The following NCAM2 variants were observed in gnomAD, a reference collection of about 807,000 sequenced individuals.
NCAM2 encodes neural cell adhesion molecule 2.
In NCAM2, 30 loss-of-function variants were observed where a neutral mutation model predicts 98.1. The ratio of observed to expected loss-of-function variants is 0.31; its 90% CI spans 0.23 to 0.41. The LOEUF (loss-of-function observed/expected upper bound fraction) is 0.41, where lower values mean the gene tolerates loss of function less well. Ranked by LOEUF, NCAM2 falls within the 10% of genes least tolerant of loss-of-function variation. The pLI is 1.00. For missense variants in NCAM2, 867 were observed against 1,005.8 expected, an observed-to-expected ratio of 0.86 and a Z score of 1.87; for synonymous variants, 368 against 342.4, an observed-to-expected ratio of 1.07 and a Z score of -0.83.
intron 9 of NCAM2, among the ~76,000 whole-genome samples, chr21:21,408,034 A>G (rs1374346448): frequency 2.0e-5 from 3 of 152,196 alleles, no homozygotes; most frequent in Admixed American, 2.0e-4. Context: ...TTTAAAAAAC[A>G]CTGTGTAAGC....
rs35816689 is a variant in NCAM2 at position 21,236,756 on chromosome 21, ATGTGTGTGTG to A, written c.56-43801_56-43792del. Among the ~76,000 whole-genome samples the A allele has an allele frequency of 6.4e-3, 958 of 149,880 alleles. 10 individuals carry two copies. The highest frequency in any genetic ancestry group is 0.019 in the African/African-American group (789 of 40,978). On this transcript the variant is annotated intron_variant, in intron 1 of 17. Transcript: ENST00000400546. ...TAGATTCTCAGAGAAATCAGTACAT[ATGTGTGTGTG>A]TGTGTGTGTGTGTGTGTGTGCATGC...
intron 5 of NCAM2, among the ~76,000 whole-genome samples, chr21:21,321,921 C>T (rs559148422): frequency 4.1e-4 from 63 of 152,144 alleles, no homozygotes; most frequent in Non-Finnish European, 8.4e-4. Context: ...TTGCAAAGAA[C>T]TTAAGCAGAA....
intron 1 of NCAM2, among the ~76,000 whole-genome samples, chr21:21,120,348 T>TA (rs2066645818): frequency 6.6e-6 from 1 of 151,890 alleles, no homozygotes; most frequent in African/African-American, 2.4e-5. Flanking sequence ...ATATCATGAC[T>TA]TAAAAAACAA....
chr21:21,042,618 C>G (rs1358375684), intron 1 of NCAM2, among the ~76,000 whole-genome samples: 1 of 152,164 alleles, frequency 6.6e-6, no homozygotes, highest in Non-Finnish European at 1.5e-5. Context: ...ATCTTGCCAT[C>G]TCTAAATGAG....
At chr21:21,395,120 T>C (rs1019310834) in intron 9 of NCAM2, among the ~76,000 whole-genome samples, 6 of 152,058 alleles carry the variant, frequency 3.9e-5, no homozygotes, top group African/African-American at 1.4e-4. Context: ...TCACCTGAAG[T>C]CAGGAGTTCG....
Position 21,049,266 on chromosome 21 carries a change from G to T in NCAM2, c.55+50648G>T, listed in dbSNP as rs376546220. 1.4e-3 allele frequency among the ~76,000 whole-genome samples: 213 copies of T among 151,456 alleles called. 1 individual carries two copies. Among genetic ancestry groups the T allele is most frequent in the African/African-American group, 5.1e-3 (212 of 41,292 alleles). On this transcript the variant is annotated intron_variant, in intron 1 of 17. Coordinates refer to ENST00000400546, the MANE Select transcript of NCAM2 (RefSeq NM_004540.5). Reference sequence around the variant, plus strand: ...GATCTCCTGACCTCATGATCCACCCGCCTCGGCCTCGCATATTTCCTTTAT... The same window carrying T: ...GATCTCCTGACCTCATGATCCACCCTCCTCGGCCTCGCATATTTCCTTTAT...
chr21:21,307,900 A>G (rs1168347054), intron 5 of NCAM2, among the ~76,000 whole-genome samples: 1 of 152,144 alleles, frequency 6.6e-6, no homozygotes, highest in Non-Finnish European at 1.5e-5. Context: ...TCTCGCCTAG[A>G]TAATTCATGA....
At chr21:21,399,025 G>A (rs2076574240) in intron 9 of NCAM2, among the ~76,000 whole-genome samples, 2 of 152,224 alleles carry the variant, frequency 1.3e-5, no homozygotes, top group Non-Finnish European at 2.9e-5. Context: ...GGGCAGGGAG[G>A]GTGAAGAGAT....
chr21:21,058,288 T>TA (rs1467462897), intron 1 of NCAM2, among the ~76,000 whole-genome samples: 2 of 152,096 alleles, frequency 1.3e-5, no homozygotes, highest in African/African-American at 4.8e-5. Flanking sequence ...ACCCACTTGC[T>TA]ATGTGTGTGT....
intron 1 of NCAM2, among the ~76,000 whole-genome samples, chr21:21,008,445 A>G (rs997265714): frequency 1.3e-5 from 2 of 152,182 alleles, no homozygotes; most frequent in African/African-American, 4.8e-5. Flanking sequence ...ATTTTAATTT[A>G]TCTAATGAAG....
chr21:21,027,829 C>G (rs2064583364), intron 1 of NCAM2, among the ~76,000 whole-genome samples: 1 of 151,176 alleles, frequency 6.6e-6, no homozygotes, highest in African/African-American at 2.4e-5. Flanking sequence ...TGTAATTGCC[C>G]TTTCCTCTGA....
At chr21:21,001,178 G>A (rs1029941179) in intron 1 of NCAM2, among the ~76,000 whole-genome samples, 1 of 152,160 alleles carries the variant, frequency 6.6e-6, no homozygotes, top group African/African-American at 2.4e-5. Flanking sequence ...AGGAGAAAAT[G>A]ACATTAAGTG....
At chr21:21,520,371 A>T (rs1353233701) in intron 16 of NCAM2, among the ~76,000 whole-genome samples, 1 of 152,178 alleles carries the variant, frequency 6.6e-6, no homozygotes, top group Non-Finnish European at 1.5e-5. Context: ...GAAGAACTAA[A>T]GCATAAGGAA....
In NCAM2 at chr21:21,266,776, C is replaced by T. The variant is rs1045187353; in HGVS notation, c.56-13802C>T. ...TAGGAGATATACCTAATGTAAATGA[C>T]GAGTTAATGGGTGCAGCACACCAAC... is the stretch of plus-strand genomic sequence containing the variant. On this transcript the variant is annotated intron_variant, in intron 1 of 17. Coordinates refer to ENST00000400546, the MANE Select transcript of NCAM2 (RefSeq NM_004540.5). Among the ~76,000 whole-genome samples, 11 of 151,908 alleles carry T rather than the reference C, an allele frequency of 7.2e-5. 1 individual carries two copies. Among genetic ancestry groups the T allele is most frequent in the South Asian group, 2.1e-4 (1 of 4,814 alleles).
intron 1 of NCAM2, among the ~76,000 whole-genome samples, chr21:21,010,579 T>C (rs1048277544): frequency 6.6e-6 from 1 of 152,090 alleles, no homozygotes; most frequent in African/African-American, 2.4e-5. Flanking sequence ...AGTGACTTCT[T>C]TAATCAGGAA....
intron 1 of NCAM2, among the ~76,000 whole-genome samples, chr21:21,181,068 A>T (rs556364866): frequency 4.6e-5 from 7 of 152,076 alleles, no homozygotes; most frequent in Non-Finnish European, 1.0e-4. Flanking sequence ...AACCTAACCT[A>T]CTGATCAAAC....
At chr21:21,411,132 A>ACCTTAGTGAAAAGCTCAGGT (rs1172483668) in intron 10 of NCAM2, among the ~76,000 whole-genome samples, 8 of 34,354 alleles carry the variant, frequency 2.3e-4, no homozygotes, top group Non-Finnish European at 4.8e-4. Flanking sequence ...ATACACATAT[A>ACCTTAGTGAAAAGCTCAGGT]TATGTATATA....
At chr21:21,336,506 G>A (rs2074873968) in intron 7 of NCAM2, among the ~76,000 whole-genome samples, 1 of 151,876 alleles carries the variant, frequency 6.6e-6, no homozygotes, top group Admixed American at 6.6e-5. Flanking sequence ...CATGGCACAT[G>A]TATACATATG....
chr21:21,316,287 C>G (rs889734714), intron 5 of NCAM2, among the ~76,000 whole-genome samples: 1 of 151,958 alleles, frequency 6.6e-6, no homozygotes, highest in African/African-American at 2.4e-5. Context: ...TATTATTATA[C>G]TTTAAGTTCT....
Sources: allele counts gnomAD v4.1 joint callset (sites outside exome capture counted in the v4.1 genomes callset), GRCh38; gene constraint gnomAD v4.1.1; transcripts MANE v1.5; gene names NCBI Gene and HGNC (gene_info 2026-07-23, HGNC 2026-07-21).